S1PR1: variants seen among roughly 807,000 people sequenced by gnomAD.
The protein encoded by S1PR1 is sphingosine-1-phosphate receptor 1.
A neutral mutation model predicts 18.3 loss-of-function variants in S1PR1; 2 were observed. That is an observed-to-expected ratio of 0.11 (90% CI 0.04 to 0.34). The LOEUF is 0.34. S1PR1 is among the 10% of genes least tolerant of loss of function. The pLI is 1.00. For synonymous variants in S1PR1, 222 were observed against 211.2 expected (o/e 1.05, Z -0.44); for missense variants, 335 against 493.8 (o/e 0.68, Z 3.05).
chr1:101,240,484 T>C lies in S1PR1; in HGVS notation c.*351T>C, dbSNP rs1652854676. On this transcript the variant is annotated 3_prime_UTR_variant, in exon 2 of 2. Transcript: ENST00000305352. ...TAATGTCCCCATGTGAAAGCGTCTCTTTGTCTGGAGCTTTGAGGAGATGTT... is the reference window on the plus strand; with the variant it reads ...TAATGTCCCCATGTGAAAGCGTCTCCTTGTCTGGAGCTTTGAGGAGATGTT... 6.8e-6 allele frequency: 2 copies of C among 296,232 alleles called. No homozygotes were observed. The highest frequency in any genetic ancestry group is 1.3e-5 in the Non-Finnish European group (2 of 149,124). 18.4% of individuals were successfully genotyped at this position (296,232 alleles called of 1,614,324 possible).
In S1PR1 at chr1:101,240,076, C is replaced by T. The variant is rs983970449; in HGVS notation, c.1092C>T (p.Asp364=). 3.1e-6 allele frequency: 5 copies of T among 1,613,438 alleles called. No homozygotes were observed. Among genetic ancestry groups the T allele is most frequent in the Non-Finnish European group, 2.5e-6 (3 of 1,180,020 alleles). Residue 364 remains aspartate (D), a synonymous_variant, in exon 2 of 2, where the codon GAC becomes GAT. Coordinates refer to ENST00000305352, the MANE Select transcript of S1PR1 (RefSeq NM_001400.5). ...ACAATTCCTCCCACCCCCAGAAAGA[C>T]GAAGGGGACAACCCAGAGACCATTA... The part of the protein sequence containing the change: ...KSDNSSHPQK[D]EGDNPETIMS...
chr1:101,240,423 G>A lies in S1PR1; in HGVS notation c.*290G>A, dbSNP rs200745197. Reference sequence around the variant, plus strand: ...TGAGCCAAAGGTCTAGCATTGTCAAGCTCCTAAAGGGTTCATTTGGCCCCT... The same window carrying A: ...TGAGCCAAAGGTCTAGCATTGTCAAACTCCTAAAGGGTTCATTTGGCCCCT... On this transcript the variant is annotated 3_prime_UTR_variant, in exon 2 of 2. Coordinates refer to ENST00000305352, the MANE Select transcript of S1PR1 (RefSeq NM_001400.5). The A allele has an allele frequency of 1.8e-4, 80 of 455,736 alleles. No individual in the cohort carries two copies. Among genetic ancestry groups the A allele is most frequent in the African/African-American group, 1.4e-3 (70 of 50,974 alleles). The allele number at this position is 455,736 out of a possible 1,614,324, so 28.2% of individuals were successfully genotyped here.
At position 101,240,101 on chromosome 1, in the gene S1PR1, A is replaced by G. The variant is rs1305624384; in HGVS notation, c.1117A>G (p.Met373Val). The G allele has an allele frequency of 6.2e-7, 1 of 1,613,140 alleles. No individual in the cohort carries two copies. The highest frequency in any genetic ancestry group is 1.7e-5 in the Admixed American group (1 of 60,014). ...CGAAGGGGACAACCCAGAGACCATT[A>G]TGTCTTCTGGAAACGTCAACTCTTC... ...KDEGDNPETI[M>V]SSGNVNSSS Residue 373 changes from methionine to valine, a missense_variant, in exon 2 of 2, where the codon ATG becomes GTG. Met to Val is a conservative substitution (Grantham distance 21). Coordinates refer to ENST00000305352, the MANE Select transcript of S1PR1 (RefSeq NM_001400.5).
downstream of S1PR1, among the ~76,000 whole-genome samples, chr1:101,242,236 T>C (rs1372459135): frequency 2.0e-5 from 3 of 152,220 alleles, no homozygotes; most frequent in Admixed American, 1.3e-4. Flanking sequence ...CACAGACTTA[T>C]TGTAATAGTT....
chr1:101,238,104 CG>C (rs1159502586), intron 1 of S1PR1: 1 of 151,988 alleles, frequency 6.6e-6, no homozygotes, highest in Non-Finnish European at 1.5e-5. Flanking sequence ...CAAGGCGGGG[CG>C]GGCCTGGCTG....
Position 101,238,858 on chromosome 1 carries a change from G to T in S1PR1, c.-127G>T. 1 of 901,278 alleles carries T rather than the reference G, an allele frequency of 1.1e-6. No individual in the cohort carries two copies. Among genetic ancestry groups the T allele is most frequent in the Non-Finnish European group, 1.6e-6 (1 of 609,676 alleles). 55.8% of individuals were successfully genotyped at this position (901,278 alleles called of 1,614,324 possible). On this transcript the variant is annotated 5_prime_UTR_variant, in exon 2 of 2. Transcript: ENST00000305352. Reference sequence around the variant, plus strand: ...CGAGGCCCTCTCCAGCCAAGGAAAAGCTACACAAAAAGCCTGGATCACTCA... The same window carrying T: ...CGAGGCCCTCTCCAGCCAAGGAAAATCTACACAAAAAGCCTGGATCACTCA...
In S1PR1 at chr1:101,240,560, T is replaced by G; in HGVS notation, c.*427T>G. ...AGTGAGTGTGTGCACTTCTGCTTCT[T>G]TAGGGATGCCCTGTACATCCCACAC... On this transcript the variant is annotated 3_prime_UTR_variant, in exon 2 of 2. Transcript: ENST00000305352. The G allele has an allele frequency of 4.5e-6, 1 of 224,044 alleles. No homozygotes were observed. The highest frequency in any genetic ancestry group is 9.7e-6 in the Non-Finnish European group (1 of 102,644). 13.9% of individuals were successfully genotyped at this position (224,044 alleles called of 1,614,324 possible).
At chr1:101,238,042 A>G (rs1652764249) in intron 1 of S1PR1, 1 of 149,236 alleles carries the variant, frequency 6.7e-6, no homozygotes, top group Non-Finnish European at 1.5e-5. Context: ...GAATAAGAAG[A>G]AGAAAGAAAA....
At chr1:101,242,180 A>G (rs1340840962), downstream of S1PR1, among the ~76,000 whole-genome samples, 1 of 152,142 alleles carries the variant, frequency 6.6e-6, no homozygotes, top group African/African-American at 2.4e-5. Flanking sequence ...TAATATTCTC[A>G]GTCATTAATT....
Position 101,239,925 on chromosome 1 carries a change from C to T in S1PR1, c.941C>T (p.Thr314Ile). ...ACCAACCCCATCATTTACACTCTGACCAACAAGGAGATGCGTCGGGCCTTC... is the reference window on the plus strand; with the variant it reads ...ACCAACCCCATCATTTACACTCTGATCAACAAGGAGATGCGTCGGGCCTTC... Reference protein sequence around the residue: ...SGTNPIIYTLTNKEMRRAFIR... With the variant: ...SGTNPIIYTLINKEMRRAFIR... The change falls in exon 2 of 2, where the codon ACC (threonine) becomes ATC (isoleucine). Residue 314 changes from threonine (T) to isoleucine (I), a missense_variant. Coordinates refer to ENST00000305352, the MANE Select transcript of S1PR1 (RefSeq NM_001400.5). The surrounding 1 kb of genome is among the most constrained non-coding windows in gnomAD (Gnocchi z 6.3). 1 of 1,614,070 alleles carries T rather than the reference C, an allele frequency of 6.2e-7. No homozygotes were observed. Among genetic ancestry groups the T allele is most frequent in the South Asian group, 1.1e-5 (1 of 91,074 alleles).
chr1:101,239,392 C>T lies in S1PR1; in HGVS notation c.408C>T (p.Leu136=). The part of the protein sequence containing the change: ...VALSASVFSL[L]AIAIERYITM... ...TGTCAGCCTCCGTGTTCAGTCTCCT[C>T]GCCATCGCCATTGAGCGCTATATCA... The change falls in exon 2 of 2, where the codon CTC becomes CTT. Residue 136 remains leucine (L), a synonymous_variant. Transcript: ENST00000305352. The surrounding 1 kb of genome is among the most constrained non-coding windows in gnomAD (Gnocchi z 6.3). 1 of 1,614,182 alleles carries T rather than the reference C, an allele frequency of 6.2e-7. No individual in the cohort carries two copies. Among genetic ancestry groups the T allele is most frequent in the Non-Finnish European group, 8.5e-7 (1 of 1,180,034 alleles).
chr1:101,239,034 C>A lies in S1PR1; in HGVS notation c.50C>A (p.Ser17Tyr). The A allele has an allele frequency of 1.2e-6, 2 of 1,614,262 alleles. No homozygotes were observed. Among genetic ancestry groups the A allele is most frequent in the Non-Finnish European group, 1.7e-6 (2 of 1,180,040 alleles). The part of the protein sequence containing the change: ...PLVKAHRSSV[S>Y]DYVNYDIIVR... ...GTCAAGGCCCACCGCAGCTCGGTCT[C>A]TGACTACGTCAACTATGATATCATC... Residue 17 changes from serine to tyrosine, a missense_variant, in exon 2 of 2, where the codon TCT becomes TAT. Physicochemically the swap from Ser to Tyr is moderately radical, Grantham distance 144. Transcript: ENST00000305352. This position sits in a 1 kb window ranked among gnomAD's most constrained non-coding sequence, Gnocchi z 6.3.
At position 101,239,851 on chromosome 1, in the gene S1PR1, C is replaced by T; in HGVS notation, c.867C>T (p.Ile289=). The T allele has an allele frequency of 6.2e-7, 1 of 1,613,758 alleles. No individual in the cohort carries two copies. The highest frequency in any genetic ancestry group is 8.5e-7 in the Non-Finnish European group (1 of 1,180,022). Residue 289 remains isoleucine (I), a synonymous_variant, in exon 2 of 2, where the codon ATC becomes ATT. Transcript: ENST00000305352. The surrounding 1 kb of genome is among the most constrained non-coding windows in gnomAD (Gnocchi z 6.3). ...DVGCKVKTCD[I]LFRAEYFLVL... Reference sequence around the variant, plus strand: ...GCTGCAAGGTGAAGACCTGTGACATCCTCTTCAGAGCGGAGTACTTCCTGG... The same window carrying T: ...GCTGCAAGGTGAAGACCTGTGACATTCTCTTCAGAGCGGAGTACTTCCTGG...
In S1PR1 at chr1:101,238,863, A is replaced by T; in HGVS notation, c.-122A>T. 1.1e-6 allele frequency: 1 copy of T among 941,722 alleles called. No homozygotes were observed. The highest frequency in any genetic ancestry group is 2.9e-5 in the Admixed American group (1 of 34,518). 58.3% of individuals were successfully genotyped at this position (941,722 alleles called of 1,614,324 possible). Reference sequence around the variant, plus strand: ...CCCTCTCCAGCCAAGGAAAAGCTACACAAAAAGCCTGGATCACTCATCGAA... The same window carrying T: ...CCCTCTCCAGCCAAGGAAAAGCTACTCAAAAAGCCTGGATCACTCATCGAA... On this transcript the variant is annotated 5_prime_UTR_variant, in exon 2 of 2. Transcript: ENST00000305352.
intron 1 of S1PR1, chr1:101,238,177 G>C (rs1033247956): frequency 6.6e-6 from 1 of 151,590 alleles, no homozygotes; most frequent in Non-Finnish European, 1.5e-5. Flanking sequence ...TATTAATAGA[G>C]CCCCCAAATG....
At chr1:101,238,586 T>C (rs1405288698) in intron 1 of S1PR1, among the ~76,000 whole-genome samples, 1 of 151,590 alleles carries the variant, frequency 6.6e-6, no homozygotes, top group African/African-American at 2.4e-5. Flanking sequence ...TTTGAGTGAA[T>C]GTGGCCATAG....
At position 101,239,934 on chromosome 1, in the gene S1PR1, A is replaced by G; in HGVS notation, c.950A>G (p.Glu317Gly). 1 of 1,614,100 alleles carries G rather than the reference A, an allele frequency of 6.2e-7. No homozygotes were observed. Among genetic ancestry groups the G allele is most frequent in the Non-Finnish European group, 8.5e-7 (1 of 1,180,018 alleles). Reference protein sequence around the residue: ...NPIIYTLTNKEMRRAFIRIMS... With the variant: ...NPIIYTLTNKGMRRAFIRIMS... ...ATCATTTACACTCTGACCAACAAGG[A>G]GATGCGTCGGGCCTTCATCCGGATC... Residue 317 changes from glutamate (E) to glycine (G), a missense_variant, in exon 2 of 2, where the codon GAG (glutamate) becomes GGG (glycine). Physicochemically the swap from Glu to Gly is moderately conservative, Grantham distance 98. This residue lies in a region of S1PR1 where 90 missense variants were observed against 97.6 expected (regional missense o/e 0.92). Transcript: ENST00000305352. This position sits in a 1 kb window ranked among gnomAD's most constrained non-coding sequence, Gnocchi z 6.3.
chr1:101,239,545 G>T lies in S1PR1; in HGVS notation c.561G>T (p.Ala187=), dbSNP rs199886272. ...LPIMGWNCIS[A]LSSCSTVLPL... ...TCATGGGCTGGAACTGCATCAGTGCGCTGTCCAGCTGCTCCACCGTGCTGC... is the reference window on the plus strand; with the variant it reads ...TCATGGGCTGGAACTGCATCAGTGCTCTGTCCAGCTGCTCCACCGTGCTGC... The change falls in exon 2 of 2, where the codon GCG becomes GCT. Residue 187 remains alanine, a synonymous_variant. Transcript: ENST00000305352. This position sits in a 1 kb window ranked among gnomAD's most constrained non-coding sequence, Gnocchi z 6.3. 2 of 1,613,866 alleles carry T rather than the reference G, an allele frequency of 1.2e-6. No individual in the cohort carries two copies. The highest frequency in any genetic ancestry group is 2.2e-5 in the South Asian group (2 of 91,072).
At position 101,240,024 on chromosome 1, in the gene S1PR1, G is replaced by A. The variant is rs1485228879; in HGVS notation, c.1040G>A (p.Gly347Asp). The change falls in exon 2 of 2, where the codon GGC becomes GAC. Residue 347 changes from glycine to aspartate, a missense_variant. Gly to Asp is a moderately conservative substitution (Grantham distance 94, BLOSUM62 -1). Transcript: ENST00000305352. ...AAATTCAAGCGACCCATCATCGCCG[G>A]CATGGAATTCAGCCGCAGCAAATCG... ...AGKFKRPIIA[G>D]MEFSRSKSDN... 1.2e-6 allele frequency: 2 copies of A among 1,613,916 alleles called. No homozygotes were observed. The highest frequency in any genetic ancestry group is 1.7e-6 in the Non-Finnish European group (2 of 1,180,030).
Sources: allele counts gnomAD v4.1 joint callset (sites outside exome capture counted in the v4.1 genomes callset), GRCh38; gene constraint gnomAD v4.1.1; regional missense constraint gnomAD v4.1.1; non-coding constraint Gnocchi (gnomAD v3.1); transcripts MANE v1.5; gene names NCBI Gene and HGNC (gene_info 2026-07-23, HGNC 2026-07-21).